Variants in SMARCA2 observed in about 807,000 individuals in gnomAD.
SMARCA2 encodes SWI/SNF related BAF chromatin remodeling complex subunit ATPase 2.
A neutral mutation model predicts 199.8 loss-of-function variants in SMARCA2; 61 were observed. The observed-to-expected ratio is 0.31, with a 90% CI of 0.25 to 0.38. The LOEUF is 0.38. Ranked by LOEUF, SMARCA2 falls within the 10% of genes least tolerant of loss-of-function variation. The pLI, the probability that SMARCA2 is intolerant of heterozygous loss-of-function variation, is 1.00. For synonymous variants in SMARCA2, 935 were observed against 732.0 expected, an observed-to-expected ratio of 1.28 and a Z score of -4.48; for missense variants, 1,344 against 2,012.2, an observed-to-expected ratio of 0.67 and a Z score of 6.35.
At chr9:2,041,459 T>C in intron 4 of SMARCA2, 1 of 398,604 alleles carries the variant, frequency 2.5e-6, no homozygotes, top group Non-Finnish European at 4.4e-6. Context: ...AAGGCAGCTC[T>C]CTGGAGCCTC....
intron 9 of SMARCA2, among the ~76,000 whole-genome samples, chr9:2,068,320 T>C (rs930732787): frequency 5.3e-5 from 8 of 152,228 alleles, no homozygotes; most frequent in Admixed American, 3.3e-4. Flanking sequence ...ATTTAATTAC[T>C]TGGAAAATCA....
chr9:2,180,400 AACTGTCATTATGATT>A (rs1428118347), intron 29 of SMARCA2, among the ~76,000 whole-genome samples: 1 of 152,142 alleles, frequency 6.6e-6, no homozygotes, highest in African/African-American at 2.4e-5. Context: ...TTTTTATGAT[AACTGTCATTATGATT>A]ACTTTTTAAT....
intron 9 of SMARCA2, among the ~76,000 whole-genome samples, chr9:2,067,472 G>A (rs1377255687): frequency 2.0e-5 from 3 of 152,154 alleles, no homozygotes; most frequent in Admixed American, 6.5e-5. Context: ...AATAGTCCTC[G>A]GACTATCGTT....
At chr9:2,088,926 A>C (rs1821928023) in intron 19 of SMARCA2, among the ~76,000 whole-genome samples, 2 of 145,622 alleles carry the variant, frequency 1.4e-5, no homozygotes, top group African/African-American at 2.7e-5. Context: ...TCACTGTTGC[A>C]GGCACTGTAG....
At chr9:2,114,614 A>G (rs774490593) in intron 24 of SMARCA2, among the ~76,000 whole-genome samples, 1 of 152,226 alleles carries the variant, frequency 6.6e-6, no homozygotes, top group Non-Finnish European at 1.5e-5. Flanking sequence ...CTGGACCACA[A>G]TGAATAAAAG....
At chr9:2,144,397 C>T in intron 27 of SMARCA2, among the ~76,000 whole-genome samples, 1 of 152,112 alleles carries the variant, frequency 6.6e-6, no homozygotes, top group East Asian at 1.9e-4. Context: ...TGGGACAAGA[C>T]CAGGTTAGAA....
Position 2,153,441 on chromosome 9 carries a change from A to C in SMARCA2, c.3982-8245A>C, listed in dbSNP as rs533973226. Among the ~76,000 whole-genome samples the C allele has an allele frequency of 6.6e-5, 10 of 152,146 alleles. No homozygotes were observed. The East Asian group carries it at 1.9e-3, about 29-fold the overall frequency. On this transcript the variant is annotated intron_variant, in intron 27 of 33. Coordinates refer to ENST00000349721, the MANE Select transcript of SMARCA2 (RefSeq NM_003070.5). ...CCAGCTCTCAGGAGGGTGAGGTGGG[A>C]GGATTGCTTGAGCCCACAAGGTTAA...
chr9:2,137,372 C>T (rs764648868), intron 27 of SMARCA2, among the ~76,000 whole-genome samples: 7 of 152,214 alleles, frequency 4.6e-5, no homozygotes, highest in Non-Finnish European at 1.0e-4. Context: ...AACACTTGAA[C>T]ATGGTCTATA....
chr9:2,056,294 G>C lies in SMARCA2; in HGVS notation c.1174-378G>C, dbSNP rs1199038398. ...ATTAAAATTAATCTTTAAACACAAA[G>C]AGAATGTTAACATGACACTTAAAAC... On this transcript the variant is annotated intron_variant, in intron 6 of 33. Coordinates refer to ENST00000349721, the MANE Select transcript of SMARCA2 (RefSeq NM_003070.5). This position sits in a 1 kb window ranked among gnomAD's most constrained non-coding sequence, Gnocchi z 4.0. Among the ~76,000 whole-genome samples, 1 of 152,078 alleles carries C rather than the reference G, an allele frequency of 6.6e-6. No homozygotes were observed. The highest frequency in any genetic ancestry group is 2.4e-5 in the African/African-American group (1 of 41,414).
chr9:2,048,594 A>G (rs1363651294), intron 5 of SMARCA2, among the ~76,000 whole-genome samples: 1 of 152,246 alleles, frequency 6.6e-6, no homozygotes, highest in Non-Finnish European at 1.5e-5. Context: ...TTCTTATCAG[A>G]CTAAAATACT....
At chr9:2,114,838 G>C (rs1018274096) in intron 24 of SMARCA2, among the ~76,000 whole-genome samples, 1 of 152,088 alleles carries the variant, frequency 6.6e-6, no homozygotes, top group Non-Finnish European at 1.5e-5. Context: ...TACGTTGTTG[G>C]CATGTTGGTG....
intron 10 of SMARCA2, chr9:2,072,993 G>T (rs1821156308): frequency 5.7e-6 from 3 of 528,092 alleles, no homozygotes; most frequent in Non-Finnish European, 1.0e-5. Flanking sequence ...TGGAGCTGAG[G>T]TTTGTGCCTG....
chr9:2,073,225 G>A lies in SMARCA2; in HGVS notation c.1760G>A (p.Ser587Asn). ...LGPDGEPIDESSQMSDLPVKV... is the reference protein window; with the variant it reads ...LGPDGEPIDENSQMSDLPVKV... ...CCTCCTTTGTAGCCCATAGATGAGA[G>A]CAGCCAGATGAGTGACCTCCCTGTC... is the stretch of plus-strand genomic sequence containing the variant. Residue 587 changes from serine to asparagine, a missense_variant, in exon 11 of 34, where the codon AGC becomes AAC. Ser to Asn is a conservative substitution (Grantham distance 46). Transcript: ENST00000349721. The A allele has an allele frequency of 6.2e-7, 1 of 1,614,174 alleles. No homozygotes were observed. The highest frequency in any genetic ancestry group is 2.2e-5 in the East Asian group (1 of 44,882).
In SMARCA2 at chr9:2,186,325, G is replaced by A. The variant is rs894728209; in HGVS notation, c.4594+97G>A. On this transcript the variant is annotated intron_variant, in intron 32 of 33. Coordinates refer to ENST00000349721, the MANE Select transcript of SMARCA2 (RefSeq NM_003070.5). ...ACAGAAGAGACTTTAGAGTGGGGCA[G>A]ATCTGGATTGGAGCCCTTATTCCAC... 3.1e-5 allele frequency: 40 copies of A among 1,295,284 alleles called. No homozygotes were observed. The African/African-American group carries it at 6.0e-4, about 19-fold the overall frequency. 80.2% of individuals were successfully genotyped at this position (1,295,284 alleles called of 1,614,324 possible).
chr9:2,066,201 G>A (rs191095449), intron 9 of SMARCA2, among the ~76,000 whole-genome samples: 2 of 152,008 alleles, frequency 1.3e-5, no homozygotes. Context: ...ACCCACTGGG[G>A]GATAAAGTAC....
chr9:2,031,423 A>C (rs1819066258), intron 2 of SMARCA2, among the ~76,000 whole-genome samples: 1 of 152,240 alleles, frequency 6.6e-6, no homozygotes, highest in Admixed American at 6.5e-5. Flanking sequence ...TGGCTTACAT[A>C]ATTTCAGAAT....
At chr9:2,129,584 A>G (rs749142973) in intron 27 of SMARCA2, among the ~76,000 whole-genome samples, 21 of 152,106 alleles carry the variant, frequency 1.4e-4, no homozygotes, top group South Asian at 6.2e-4. Flanking sequence ...AGAGTTTTCA[A>G]TGGGGTTTCA....
At chr9:2,116,401 T>C (rs367893338) in intron 25 of SMARCA2, among the ~76,000 whole-genome samples, 16 of 152,262 alleles carry the variant, frequency 1.1e-4, no homozygotes, top group African/African-American at 3.9e-4. Flanking sequence ...AGACAAGACA[T>C]AAATGGAAGG....
intron 7 of SMARCA2, among the ~76,000 whole-genome samples, chr9:2,057,321 A>G (rs1173788206): frequency 1.3e-5 from 2 of 152,222 alleles, no homozygotes; most frequent in African/African-American, 2.4e-5. Context: ...TTATAAGGGC[A>G]CTAATCCCAT....
Sources: allele counts gnomAD v4.1 joint callset (sites outside exome capture counted in the v4.1 genomes callset), GRCh38; gene constraint gnomAD v4.1.1; non-coding constraint Gnocchi (gnomAD v3.1); transcripts MANE v1.5; gene names NCBI Gene and HGNC (gene_info 2026-07-23, HGNC 2026-07-21).